The following LMBR1 variants were observed in gnomAD, a reference collection of about 807,000 sequenced individuals.
LMBR1 encodes the protein limb development membrane protein 1, also known as limb region 1 protein homolog.
LMBR1 carries 52 observed loss-of-function variants against 73.9 expected under a neutral mutation model. That is an observed-to-expected ratio of 0.70 (90% CI 0.56 to 0.89). LMBR1 has a LOEUF of 0.89. LMBR1 is among the 40% of genes least tolerant of loss of function. The pLI is 0.00. For synonymous variants in LMBR1, 215 were observed against 209.4 expected (o/e 1.03, Z -0.23); for missense variants, 539 against 579.8 (o/e 0.93, Z 0.72).
intron 1 of LMBR1, among the ~76,000 whole-genome samples, chr7:156,852,459 C>T (rs1796364435): frequency 6.6e-6 from 1 of 152,172 alleles, no homozygotes; most frequent in Non-Finnish European, 1.5e-5. Context: ...TGTTTCTATA[C>T]TATCTGATGC....
In LMBR1 at chr7:156,728,633, T is replaced by C. The variant is rs188487853; in HGVS notation, c.915+11A>G. On this transcript the variant is annotated intron_variant, in intron 11 of 16. Transcript: ENST00000353442. The stretch of plus-strand genomic sequence containing the variant: ...ATTTGCTTTTATTTAACTAGGCAAA[T>C]AAATTCTTACTGTCTCAATAAGAAG... 19 of 1,574,292 alleles carry C rather than the reference T, an allele frequency of 1.2e-5. No individual in the cohort carries two copies.
intron 2 of LMBR1, 71 bp from the exon 3 acceptor site, chr7:156,833,863 A>G (rs1469848243): frequency 1.5e-5 from 15 of 981,066 alleles, no homozygotes; most frequent in Non-Finnish European, 2.2e-5. Flanking sequence ...TATTAAAACT[A>G]TAAACACAAT....
At chr7:156,856,914 C>A (rs534308950) in intron 1 of LMBR1, among the ~76,000 whole-genome samples, 71 of 151,874 alleles carry the variant, frequency 4.7e-4, no homozygotes, top group Admixed American at 7.9e-4. Flanking sequence ...AATGTACCTG[C>A]ACTACTCATG....
chr7:156,892,261 A>G (rs1266738381), intron 1 of LMBR1, among the ~76,000 whole-genome samples: 2 of 152,236 alleles, frequency 1.3e-5, no homozygotes, highest in Non-Finnish European at 2.9e-5. Context: ...CCAAACGGTA[A>G]GGTTTCGAAC....
chr7:156,698,025 C>A (rs1032113482), intron 15 of LMBR1, among the ~76,000 whole-genome samples: 1 of 152,210 alleles, frequency 6.6e-6, no homozygotes, highest in African/African-American at 2.4e-5. Flanking sequence ...GGGATACAGG[C>A]ATTGGGTAAA....
At chr7:156,770,119 A>G (rs1824908229) in intron 5 of LMBR1, among the ~76,000 whole-genome samples, 2 of 152,268 alleles carry the variant, frequency 1.3e-5, no homozygotes, top group Non-Finnish European at 2.9e-5. Context: ...TATAGGGAAT[A>G]TACCTCTATT....
At chr7:156,797,965 A>G (rs954568951) in intron 4 of LMBR1, among the ~76,000 whole-genome samples, 4 of 128,586 alleles carry the variant, frequency 3.1e-5, no homozygotes, top group African/African-American at 1.1e-4. Context: ...ATAATTTTAT[A>G]TTTTCCAGCC....
chr7:156,674,808 G>C (rs1371470076), downstream of LMBR1, among the ~76,000 whole-genome samples: 1 of 152,202 alleles, frequency 6.6e-6, no homozygotes, highest in Non-Finnish European at 1.5e-5. Context: ...AACTTAATGT[G>C]ACTGCCAGAA....
intron 1 of LMBR1, among the ~76,000 whole-genome samples, chr7:156,852,504 C>A (rs1357625662): frequency 1.3e-5 from 2 of 152,182 alleles, no homozygotes; most frequent in Non-Finnish European, 2.9e-5. Flanking sequence ...GGCTTCTACA[C>A]CCCTGACACA....
chr7:156,789,094 TTTC>T (rs1380279509), intron 5 of LMBR1, among the ~76,000 whole-genome samples: 1 of 152,098 alleles, frequency 6.6e-6, no homozygotes, highest in Non-Finnish European at 1.5e-5. Flanking sequence ...CAACTTAAAA[TTTC>T]TTCTTCCTCT....
intron 1 of LMBR1, among the ~76,000 whole-genome samples, chr7:156,849,747 A>G (rs758502932): frequency 3.3e-5 from 5 of 152,178 alleles, no homozygotes; most frequent in Admixed American, 6.5e-5. Context: ...GTATGATTCT[A>G]TAAGGTTAGA....
At chr7:156,737,827 C>T (rs1818167437) in intron 9 of LMBR1, among the ~76,000 whole-genome samples, 1 of 152,124 alleles carries the variant, frequency 6.6e-6, no homozygotes, top group South Asian at 2.1e-4. Context: ...TCCAAGCTCT[C>T]CTGTTTGATG....
intron 9 of LMBR1, among the ~76,000 whole-genome samples, chr7:156,734,565 G>A (rs1817499271): frequency 1.3e-5 from 2 of 151,866 alleles, no homozygotes; most frequent in South Asian, 4.2e-4. Context: ...TCCAGTGATG[G>A]GTACATTAAA....
intron 14 of LMBR1, among the ~76,000 whole-genome samples, chr7:156,724,867 C>T (rs370219093): frequency 1.8e-4 from 27 of 151,462 alleles, no homozygotes; most frequent in African/African-American, 6.3e-4. Context: ...AACAAGCTTT[C>T]AGCTCTTATT....
intron 9 of LMBR1, among the ~76,000 whole-genome samples, chr7:156,743,704 T>C (rs1819324379): frequency 6.6e-6 from 1 of 152,232 alleles, no homozygotes; most frequent in Admixed American, 6.5e-5. Flanking sequence ...TTTTTGCCCA[T>C]GTTAATTTGG....
At chr7:156,813,326 A>G (rs535306748) in intron 4 of LMBR1, among the ~76,000 whole-genome samples, 1 of 152,240 alleles carries the variant, frequency 6.6e-6, no homozygotes, top group South Asian at 2.1e-4. Context: ...CTACCTATCT[A>G]TCCTAATGGA....
intron 15 of LMBR1, among the ~76,000 whole-genome samples, chr7:156,713,513 G>A (rs2132223128): frequency 6.6e-6 from 1 of 152,126 alleles, no homozygotes; most frequent in African/African-American, 2.4e-5. Context: ...TGCTATCTCT[G>A]CACTTTTCCC....
chr7:156,892,931 G>T lies in LMBR1; in HGVS notation c.63C>A (p.Ser21=), dbSNP rs1803440143. The change falls in exon 1 of 17, where the codon TCC becomes TCA. Residue 21 remains serine (S), a synonymous_variant. Coordinates refer to ENST00000353442, the MANE Select transcript of LMBR1 (RefSeq NM_022458.4). ...EQHFHSQVRE[S]TICFLLFAIL... ...GGCTGCCTCGGTCCCCACGCACCGT[G>T]GACTCCCGCACTTGGCTGTGGAAGT... 6.5e-7 allele frequency: 1 copy of T among 1,532,876 alleles called. No individual in the cohort carries two copies. The allele number at this position is 1,532,876 out of a possible 1,614,324, so 95.0% of individuals were successfully genotyped here. A position where few individuals can be genotyped will look rare whatever the true frequency, so the allele number is the denominator to read the frequency against.
At chr7:156,887,275 C>T (rs1319443775) in intron 1 of LMBR1, among the ~76,000 whole-genome samples, 1 of 151,956 alleles carries the variant, frequency 6.6e-6, no homozygotes, top group African/African-American at 2.4e-5. Flanking sequence ...CCATTCTGGC[C>T]AACATGGTGA....
Sources: allele counts gnomAD v4.1 joint callset (sites outside exome capture counted in the v4.1 genomes callset), GRCh38; gene constraint gnomAD v4.1.1; transcripts MANE v1.5; gene names NCBI Gene and HGNC (gene_info 2026-07-23, HGNC 2026-07-21).